The following MAP2K5 variants were observed in gnomAD, a reference collection of about 807,000 sequenced individuals.
MAP2K5 encodes mitogen-activated protein kinase kinase 5, also known as dual specificity mitogen-activated protein kinase kinase 5.
A neutral mutation model predicts 83.1 loss-of-function variants in MAP2K5; 49 were observed. That is an observed-to-expected ratio of 0.59 (90% CI 0.47 to 0.75). The LOEUF is 0.75. MAP2K5 is among the 30% of genes least tolerant of loss of function. The probability of loss-of-function intolerance (pLI) is 0.00; values close to 1 mark genes in which losing one functional copy is unlikely to be tolerated. For missense variants in MAP2K5, 457 were observed against 557.5 expected (o/e 0.82, Z 1.82); for synonymous variants, 202 against 191.8 (o/e 1.05, Z -0.44).
In MAP2K5 at chr15:67,780,481, G is replaced by A. The variant is rs530112991; in HGVS notation, c.1242+7729G>A. Among the ~76,000 whole-genome samples, 2 of 152,244 alleles carry A rather than the reference G, an allele frequency of 1.3e-5. No homozygotes were observed. The highest frequency in any genetic ancestry group is 4.8e-5 in the African/African-American group (2 of 41,550). On this transcript the variant is annotated intron_variant, in intron 21 of 21. Coordinates refer to ENST00000178640, the MANE Select transcript of MAP2K5 (RefSeq NM_145160.3). This position sits in a 1 kb window ranked among gnomAD's most constrained non-coding sequence, Gnocchi z 5.0. ...ATGCTATTCTCTCTAATCCAATCCA[G>A]TAAAACACTGTGCAGATAAAGTAGA...
intron 21 of MAP2K5, among the ~76,000 whole-genome samples, chr15:67,798,876 C>T (rs1303059624): frequency 6.6e-6 from 1 of 152,058 alleles, no homozygotes; most frequent in Non-Finnish European, 1.5e-5. Flanking sequence ...CTTTAGAAAT[C>T]AGAGGCCAAG....
chr15:67,586,819 T>A (rs1287939687), intron 5 of MAP2K5, 27 bp from the exon 6 acceptor site: 4 of 1,605,164 alleles, frequency 2.5e-6, no homozygotes, highest in South Asian at 1.1e-5. Context: ...AACACAAGAC[T>A]GATCAAGATT....
intron 6 of MAP2K5, among the ~76,000 whole-genome samples, chr15:67,589,267 CTTTTT>C (rs1400222645): frequency 6.7e-6 from 1 of 149,042 alleles, no homozygotes; most frequent in Non-Finnish European, 1.5e-5. Context: ...TTTTTTTTTT[CTTTTT>C]AACCAGACAA....
At chr15:67,711,995 T>A (rs1406717037) in intron 16 of MAP2K5, among the ~76,000 whole-genome samples, 1 of 152,194 alleles carries the variant, frequency 6.6e-6, no homozygotes, top group Non-Finnish European at 1.5e-5. Flanking sequence ...AAACAATTGT[T>A]AATGTACTGG....
intron 4 of MAP2K5, among the ~76,000 whole-genome samples, chr15:67,583,443 C>T (rs2085224745): frequency 6.6e-6 from 1 of 152,008 alleles, no homozygotes; most frequent in Admixed American, 6.6e-5. Flanking sequence ...TTAAATATTT[C>T]AGAATATGAG....
intron 15 of MAP2K5, 104 bp downstream of exon 15, chr15:67,693,672 G>C: frequency 1.2e-6 from 1 of 847,444 alleles, no homozygotes; most frequent in South Asian, 1.6e-5. Flanking sequence ...TAGCCTAGCA[G>C]ATCATAAATT....
intron 2 of MAP2K5, among the ~76,000 whole-genome samples, chr15:67,556,246 G>A (rs544755472): frequency 1.3e-3 from 201 of 151,886 alleles, no homozygotes; most frequent in Admixed American, 3.1e-3. Flanking sequence ...TGCTCTTTTC[G>A]GTTTGTTCTG....
chr15:67,628,820 C>A (rs1298352292), intron 8 of MAP2K5: 7 of 749,886 alleles, frequency 9.3e-6, no homozygotes, highest in Non-Finnish European at 1.5e-5. Context: ...CAATTTTGGT[C>A]ATGGACGAAA....
intron 11 of MAP2K5, among the ~76,000 whole-genome samples, chr15:67,656,658 C>T (rs1451990312): frequency 6.6e-6 from 1 of 152,044 alleles, no homozygotes; most frequent in African/African-American, 2.4e-5. Flanking sequence ...TCTGAAACTT[C>T]AAAGGTTCAG....
At chr15:67,688,908 G>A (rs2088026714) in intron 13 of MAP2K5, among the ~76,000 whole-genome samples, 1 of 152,164 alleles carries the variant, frequency 6.6e-6, no homozygotes, top group Non-Finnish European at 1.5e-5. Flanking sequence ...TCTCAAGGTT[G>A]CTGGTAAAGG....
intron 16 of MAP2K5, among the ~76,000 whole-genome samples, chr15:67,710,823 G>T (rs1217720420): frequency 6.6e-6 from 1 of 151,978 alleles, no homozygotes; most frequent in Non-Finnish European, 1.5e-5. Context: ...AGATTTTTTG[G>T]GCTCTATTAT....
rs1228150594 is a variant in MAP2K5 at position 67,552,858 on chromosome 15, G to T, written c.184+2776G>T. Among the ~76,000 whole-genome samples the T allele has an allele frequency of 6.6e-6, 1 of 152,200 alleles. No homozygotes were observed. Among genetic ancestry groups the T allele is most frequent in the Non-Finnish European group, 1.5e-5 (1 of 68,032 alleles). The stretch of plus-strand genomic sequence containing the variant: ...TGGAATTTCTGGAGTAGTTTCCAGA[G>T]TGTATATTCTCAACCACTGTACTGG... On this transcript the variant is annotated intron_variant, in intron 2 of 21. Coordinates refer to ENST00000178640, the MANE Select transcript of MAP2K5 (RefSeq NM_145160.3). The surrounding 1 kb of genome is among the most constrained non-coding windows in gnomAD (Gnocchi z 4.2).
intron 13 of MAP2K5, among the ~76,000 whole-genome samples, chr15:67,691,395 T>A (rs2088110929): frequency 6.6e-6 from 1 of 152,226 alleles, no homozygotes; most frequent in Admixed American, 6.5e-5. Context: ...AGTTACTGTG[T>A]GTGAACTTGA....
chr15:67,589,545 T>C (rs929245806), intron 6 of MAP2K5, among the ~76,000 whole-genome samples: 6 of 152,240 alleles, frequency 3.9e-5, no homozygotes, highest in Non-Finnish European at 5.9e-5. Flanking sequence ...GTTAGAAAGA[T>C]TGATGAAGCT....
chr15:67,700,815 C>CTTA (rs1409124615), intron 15 of MAP2K5, among the ~76,000 whole-genome samples: 2 of 151,756 alleles, frequency 1.3e-5, no homozygotes, highest in Non-Finnish European at 2.9e-5. Context: ...GTTTCATTAG[C>CTTA]TTATTGCAAG....
At chr15:67,590,882 G>C (rs2085394761) in intron 6 of MAP2K5, among the ~76,000 whole-genome samples, 2 of 152,164 alleles carry the variant, frequency 1.3e-5, no homozygotes, top group Non-Finnish European at 2.9e-5. Flanking sequence ...AAGTCATTGG[G>C]CTATATTTAA....
rs2090728379 is a variant in MAP2K5, at chr15:67,802,697, A to G, written c.1243-3949A>G. Among the ~76,000 whole-genome samples, 2 of 152,242 alleles carry G rather than the reference A, an allele frequency of 1.3e-5. No individual in the cohort carries two copies. The highest frequency in any genetic ancestry group is 2.9e-5 in the Non-Finnish European group (2 of 68,038). ...CTTTCCGCGTGAAGGACGGAGGCCTAGATGCCTGGGGCGGTCACCGTGGGT... is the reference window on the plus strand; with the variant it reads ...CTTTCCGCGTGAAGGACGGAGGCCTGGATGCCTGGGGCGGTCACCGTGGGT... On this transcript the variant is annotated intron_variant, in intron 21 of 21. Coordinates refer to ENST00000178640, the MANE Select transcript of MAP2K5 (RefSeq NM_145160.3). This position sits in a 1 kb window ranked among gnomAD's most constrained non-coding sequence, Gnocchi z 5.0.
chr15:67,567,788 TTTG>T (rs1319722320), intron 3 of MAP2K5, among the ~76,000 whole-genome samples: 3 of 152,228 alleles, frequency 2.0e-5, no homozygotes, highest in African/African-American at 4.8e-5. Flanking sequence ...TAGTTTAAAT[TTTG>T]TTGTTGTTGT....
At chr15:67,795,012 C>A (rs968907544) in intron 21 of MAP2K5, among the ~76,000 whole-genome samples, 2 of 152,262 alleles carry the variant, frequency 1.3e-5, no homozygotes, top group Non-Finnish European at 2.9e-5. Flanking sequence ...ACCTTGCCAG[C>A]CACCACCATT....
Sources: gnomAD v4.1 joint callset for allele counts (sites outside exome capture counted in the v4.1 genomes callset) on GRCh38, gnomAD v4.1.1 for gene constraint, Gnocchi (gnomAD v3.1) non-coding constraint, MANE v1.5 for transcripts, NCBI Gene and HGNC (gene_info 2026-07-23, HGNC 2026-07-21) for gene names.